Variants in KAT7 observed in about 807,000 individuals in gnomAD.
KAT7 encodes the protein lysine acetyltransferase 7.
In KAT7, 10 loss-of-function variants were observed where a neutral mutation model predicts 82.1. The ratio of observed to expected loss-of-function variants is 0.12; its 90% confidence interval spans 0.08 to 0.21. The LOEUF (loss-of-function observed/expected upper bound fraction) is 0.21. Among genes scored for constraint, KAT7 ranks in the 10% least tolerant of loss-of-function variants. KAT7 has a pLI of 1.00. For missense variants in KAT7, 378 were observed against 760.9 expected, an observed-to-expected ratio of 0.50 and a Z score of 5.92; for synonymous variants, 250 against 262.5, an observed-to-expected ratio of 0.95 and a Z score of 0.46.
At chr17:49,790,757 A>G (rs1367002939) in intron 1 of KAT7, among the ~76,000 whole-genome samples, 1 of 152,210 alleles carries the variant, frequency 6.6e-6, no homozygotes, top group Non-Finnish European at 1.5e-5. Context: ...TATTTGCAGG[A>G]TACATGCAAA....
Position 49,799,909 on chromosome 17 carries a change from A to G in KAT7, c.580+1351A>G, listed in dbSNP as rs193098064. On this transcript the variant is annotated intron_variant, in intron 4 of 14. Coordinates refer to ENST00000259021, the MANE Select transcript of KAT7 (RefSeq NM_007067.5). ...GGTCTTCAACTCCTGGGCTCAAGCAATCCTCCCCACTCAGCCTGCTGAGTA... is the reference window on the plus strand; with the variant it reads ...GGTCTTCAACTCCTGGGCTCAAGCAGTCCTCCCCACTCAGCCTGCTGAGTA... Among the ~76,000 whole-genome samples, 27 of 150,438 alleles carry G rather than the reference A, an allele frequency of 1.8e-4. No individual in the cohort carries two copies. In the East Asian group the frequency reaches 5.1e-3, roughly 28 times the overall value.
chr17:49,815,819 A>G lies in KAT7; in HGVS notation c.869A>G (p.Tyr290Cys), dbSNP rs2074226650. The G allele has an allele frequency of 3.1e-6, 5 of 1,609,026 alleles. No individual in the cohort carries two copies. The highest frequency in any genetic ancestry group is 4.3e-6 in the Non-Finnish European group (5 of 1,176,396). The change falls in exon 8 of 15, where the codon TAT (tyrosine) becomes TGT (cysteine). Residue 290 changes from tyrosine (Y) to cysteine (C), a missense_variant. Tyr to Cys is a radical substitution (Grantham distance 194). Around this residue, in one of 6 missense-constraint regions of KAT7, gnomAD observed 102 missense variants for 129.8 expected, o/e 0.79. Coordinates refer to ENST00000259021, the MANE Select transcript of KAT7 (RefSeq NM_007067.5). ...TTTTCCTAGGAACACAGACAGACCTATGGGAACACACGGGAACCTCTTTTA... is the reference window on the plus strand; with the variant it reads ...TTTTCCTAGGAACACAGACAGACCTGTGGGAACACACGGGAACCTCTTTTA... The part of the protein sequence containing the change: ...KEKYMEHRQT[Y>C]GNTREPLLEN...
At chr17:49,796,235 A>G (rs1029034130) in intron 2 of KAT7, among the ~76,000 whole-genome samples, 2 of 152,190 alleles carry the variant, frequency 1.3e-5, no homozygotes, top group Non-Finnish European at 2.9e-5. Context: ...AAGAAAGGAA[A>G]TCGTTTTGTT....
intron 11 of KAT7, 22 bp downstream of exon 11, chr17:49,821,812 A>T: frequency 6.2e-7 from 1 of 1,612,778 alleles, no homozygotes; most frequent in South Asian, 1.1e-5. Context: ...CTGGAGATTA[A>T]GAAGCCAATG....
intron 5 of KAT7, among the ~76,000 whole-genome samples, chr17:49,807,083 A>G (rs2074100751): frequency 6.6e-6 from 1 of 152,232 alleles, no homozygotes; most frequent in Non-Finnish European, 1.5e-5. Context: ...ATTCAGTCAT[A>G]TATTTCTGTA....
chr17:49,812,562 T>C (rs1328806723), intron 7 of KAT7, among the ~76,000 whole-genome samples: 1 of 152,090 alleles, frequency 6.6e-6, no homozygotes, highest in Non-Finnish European at 1.5e-5. Context: ...TTATTATAAA[T>C]GTATTAATAC....
chr17:49,801,109 G>A (rs1368712243), intron 4 of KAT7, among the ~76,000 whole-genome samples: 2 of 152,266 alleles, frequency 1.3e-5, no homozygotes, highest in African/African-American at 2.4e-5. Flanking sequence ...TTATGCCCAG[G>A]AGTTAACCTC....
At position 49,828,789 on chromosome 17, in the gene KAT7, G is replaced by A. The variant is rs1006159367; in HGVS notation, c.*1287G>A. 3.9e-5 allele frequency: 6 copies of A among 153,232 alleles called. No individual in the cohort carries two copies. Among genetic ancestry groups the A allele is most frequent in the African/African-American group, 1.4e-4 (6 of 41,398 alleles). 9.5% of individuals were successfully genotyped at this position (153,232 alleles called of 1,614,324 possible). ...ATGACATGTCACCCTTCCCAACTTG[G>A]TCTCCTCCAACATGCTGTCTTCATG... On this transcript the variant is annotated 3_prime_UTR_variant, in exon 15 of 15. Transcript: ENST00000259021.
At chr17:49,807,514 C>T (rs1365039460) in intron 5 of KAT7, among the ~76,000 whole-genome samples, 1 of 152,136 alleles carries the variant, frequency 6.6e-6, no homozygotes, top group African/African-American at 2.4e-5. Flanking sequence ...TCATAAAGGA[C>T]CTTGTGGACC....
chr17:49,788,795 C>G lies in KAT7; in HGVS notation c.-40C>G. The G allele has an allele frequency of 6.4e-7, 1 of 1,570,692 alleles. No individual in the cohort carries two copies. Among genetic ancestry groups the G allele is most frequent in the Non-Finnish European group, 8.6e-7 (1 of 1,158,084 alleles). On this transcript the variant is annotated 5_prime_UTR_variant, in exon 1 of 15. Transcript: ENST00000259021. The stretch of plus-strand genomic sequence containing the variant: ...GAGCCACCGTTCCTGCTGCTGCCGC[C>G]GCTGCCCGAATCGGAACCGTCGGGC...
chr17:49,795,031 G>A (rs1304929778), intron 2 of KAT7, among the ~76,000 whole-genome samples: 2 of 148,366 alleles, frequency 1.3e-5, no homozygotes, highest in Non-Finnish European at 3.0e-5. Flanking sequence ...TTAAATATAC[G>A]TTGGGGGGTG....
Position 49,791,038 on chromosome 17 carries a change from C to A in KAT7, c.16-848C>A, listed in dbSNP as rs532337736. ...TTTGAAAACAACTGTTTTTGAATAC[C>A]CATGAGTCTTCATGTGCAAGCTGCC... On this transcript the variant is annotated intron_variant, in intron 1 of 14. Transcript: ENST00000259021. 3.9e-5 allele frequency among the ~76,000 whole-genome samples: 6 copies of A among 152,236 alleles called. 1 individual carries two copies. The East Asian group carries it at 1.2e-3, about 29-fold the overall frequency.
intron 4 of KAT7, 51 bp downstream of exon 4, chr17:49,798,609 C>T (rs370190258): frequency 8.5e-6 from 13 of 1,532,282 alleles, no homozygotes; most frequent in Middle Eastern, 1.8e-4. Context: ...TTCTCTCTCC[C>T]AGGATCATCC....
In KAT7 at chr17:49,832,826, T is replaced by C. The variant is rs2074435231; in HGVS notation, c.*5324T>C. 1 of 152,226 alleles carries C rather than the reference T, an allele frequency of 6.6e-6. No individual in the cohort carries two copies. The highest frequency in any genetic ancestry group is 2.4e-5 in the African/African-American group (1 of 41,446). 9.4% of individuals were successfully genotyped at this position (152,226 alleles called of 1,614,324 possible). A position where few individuals can be genotyped will look rare whatever the true frequency, so the allele number is the denominator to read the frequency against. Reference sequence around the variant, plus strand: ...AAAACTACTTTGCTGAATGATAGTATGTGATGTGTGCTAGGACTTCTAGAA... The same window carrying C: ...AAAACTACTTTGCTGAATGATAGTACGTGATGTGTGCTAGGACTTCTAGAA... On this transcript the variant is annotated 3_prime_UTR_variant, in exon 15 of 15. Coordinates refer to ENST00000259021, the MANE Select transcript of KAT7 (RefSeq NM_007067.5).
At chr17:49,820,858 A>T (rs2074295558) in intron 9 of KAT7, among the ~76,000 whole-genome samples, 1 of 150,232 alleles carries the variant, frequency 6.7e-6, no homozygotes, top group African/African-American at 2.5e-5. Context: ...GTAGTGGTAC[A>T]TGGTTTTTAT....
chr17:49,807,407 A>C (rs369452314), intron 5 of KAT7, among the ~76,000 whole-genome samples: 4 of 152,216 alleles, frequency 2.6e-5, no homozygotes, highest in Non-Finnish European at 5.9e-5. Flanking sequence ...AGATATCTTA[A>C]GTAGAAGCAA....
chr17:49,809,840 T>G (rs1490795978), intron 6 of KAT7, among the ~76,000 whole-genome samples: 1 of 152,242 alleles, frequency 6.6e-6, no homozygotes, highest in Admixed American at 6.5e-5. Flanking sequence ...GTTGGAGGAA[T>G]TTTTCCCAAA....
intron 4 of KAT7, among the ~76,000 whole-genome samples, chr17:49,805,149 C>A (rs1233214385): frequency 1.3e-5 from 2 of 152,152 alleles, no homozygotes. Context: ...ATTGATCATA[C>A]ATAAGCATGT....
intron 5 of KAT7, among the ~76,000 whole-genome samples, chr17:49,807,485 G>C (rs113872676): frequency 6.6e-6 from 1 of 152,254 alleles, no homozygotes; most frequent in Non-Finnish European, 1.5e-5. Flanking sequence ...AAAGTAGGCC[G>C]TGTATGGCTG....
Sources: gnomAD v4.1 joint callset for allele counts (sites outside exome capture counted in the v4.1 genomes callset) on GRCh38, gnomAD v4.1.1 for gene constraint, gnomAD v4.1.1 regional missense constraint, MANE v1.5 for transcripts, NCBI Gene and HGNC (gene_info 2026-07-23, HGNC 2026-07-21) for gene names.